The following FLT1 variants were observed in gnomAD, a reference collection of about 807,000 sequenced individuals.
The protein encoded by FLT1 is vascular endothelial growth factor receptor 1.
Under a neutral mutation model 156.3 loss-of-function variants are expected in FLT1, and 49 were observed. That is an observed-to-expected ratio of 0.31 (90% CI 0.25 to 0.40). FLT1 has a LOEUF of 0.40. FLT1 is among the 10% of genes least tolerant of loss of function. The pLI is 1.00. For synonymous variants in FLT1, 594 were observed against 583.8 expected (o/e 1.02, Z -0.25); for missense variants, 1,322 against 1,637.2 (o/e 0.81, Z 3.32).
At chr13:28,356,146 A>G (rs1872890468) in intron 15 of FLT1, among the ~76,000 whole-genome samples, 1 of 152,138 alleles carries the variant, frequency 6.6e-6, no homozygotes, top group African/African-American at 2.4e-5. Context: ...TGCCATGACT[A>G]GACTGTGTGA....
Position 28,384,674 on chromosome 13 carries a change from T to A in FLT1, c.2116+211A>T, listed in dbSNP as rs141180714. On this transcript the variant is annotated intron_variant, in intron 14 of 29. Transcript: ENST00000282397. The stretch of plus-strand genomic sequence containing the variant: ...TTCCAGCTGAATAGATTCTGCAGGA[T>A]CTTTCTATGGGTTAGGAATATGGTC... 3.9e-5 allele frequency among the ~76,000 whole-genome samples: 6 copies of A among 152,246 alleles called. No individual in the cohort carries two copies. In the East Asian group the frequency reaches 9.7e-4, roughly 25 times the overall value.
At chr13:28,350,933 T>C (rs547240328) in intron 15 of FLT1, among the ~76,000 whole-genome samples, 1 of 151,646 alleles carries the variant, frequency 6.6e-6, no homozygotes, top group East Asian at 1.9e-4. Context: ...CCTTCCTTCT[T>C]TCCTTTCTCT....
Position 28,303,010 on chromosome 13 carries a change from A to T in FLT1, c.*157T>A, listed in dbSNP as rs751300391. The T allele has an allele frequency of 6.1e-4, 79 of 129,432 alleles. No individual in the cohort carries two copies. The highest frequency in any genetic ancestry group is 9.2e-4 in the Non-Finnish European group (68 of 74,114). The allele number at this position is 129,432 out of a possible 1,614,324, so 8.0% of individuals were successfully genotyped here. A position where few individuals can be genotyped will look rare whatever the true frequency, so the allele number is the denominator to read the frequency against. Reference sequence around the variant, plus strand: ...ATCTGGAGTTACATTCTTGTTAGTCAAAAAAAAAAAAGCACTATTAAAAAA... The same window carrying T: ...ATCTGGAGTTACATTCTTGTTAGTCTAAAAAAAAAAAGCACTATTAAAAAA... On this transcript the variant is annotated 3_prime_UTR_variant, in exon 30 of 30. Transcript: ENST00000282397.
intron 20 of FLT1, among the ~76,000 whole-genome samples, chr13:28,325,569 C>T (rs1871644969): frequency 6.6e-6 from 1 of 152,118 alleles, no homozygotes; most frequent in Non-Finnish European, 1.5e-5. Context: ...AATCCCAGCA[C>T]TTTGTGAGGC....
chr13:28,423,166 C>G (rs917563418), intron 10 of FLT1, among the ~76,000 whole-genome samples: 1 of 152,114 alleles, frequency 6.6e-6, no homozygotes, highest in Non-Finnish European at 1.5e-5. Flanking sequence ...CATCAGCTCC[C>G]CCACATGCCC....
intron 14 of FLT1, among the ~76,000 whole-genome samples, chr13:28,381,537 C>A (rs1451274040): frequency 1.3e-5 from 2 of 152,034 alleles, no homozygotes; most frequent in Non-Finnish European, 1.5e-5. Context: ...CCAGCCTGGG[C>A]GACAGAGCAA....
intron 10 of FLT1, among the ~76,000 whole-genome samples, chr13:28,419,214 A>T (rs942174514): frequency 1.3e-5 from 2 of 152,222 alleles, no homozygotes; most frequent in Non-Finnish European, 2.9e-5. Flanking sequence ...TTTCCATCTT[A>T]TCAATCCAAC....
At chr13:28,327,311 G>T (rs1045179434) in intron 20 of FLT1, 151 bp downstream of exon 20, 1 of 647,460 alleles carries the variant, frequency 1.5e-6, no homozygotes, top group African/African-American at 1.8e-5. Context: ...ATTATCAGGG[G>T]AAAAAACATG....
intron 17 of FLT1, among the ~76,000 whole-genome samples, chr13:28,335,961 T>C (rs1276009718): frequency 6.6e-6 from 1 of 152,224 alleles, no homozygotes; most frequent in African/African-American, 2.4e-5. Context: ...GCATTTTGGT[T>C]GGAGGTTTAT....
chr13:28,367,304 G>A (rs561672877), intron 14 of FLT1, among the ~76,000 whole-genome samples: 1 of 152,344 alleles, frequency 6.6e-6, no homozygotes, highest in East Asian at 1.9e-4. Context: ...ACACTGGGCT[G>A]TTTTTGTAGA....
intron 28 of FLT1, among the ~76,000 whole-genome samples, chr13:28,307,043 C>T (rs1870780353): frequency 6.6e-6 from 1 of 152,200 alleles, no homozygotes; most frequent in African/African-American, 2.4e-5. Context: ...AACAGGTTAG[C>T]ATTTTCCATA....
At chr13:28,396,358 G>C (rs775741350) in intron 12 of FLT1, among the ~76,000 whole-genome samples, 3 of 152,148 alleles carry the variant, frequency 2.0e-5, no homozygotes, top group Admixed American at 6.5e-5. Context: ...CTTCCTTCCT[G>C]TACCCATTGA....
chr13:28,418,118 T>C (rs1876764475), intron 10 of FLT1, among the ~76,000 whole-genome samples: 1 of 152,010 alleles, frequency 6.6e-6, no homozygotes. Flanking sequence ...AAAAGGACAA[T>C]ACGAATAGGG....
chr13:28,467,212 G>C (rs1419855373), intron 2 of FLT1, 83 bp from the exon 3 acceptor site: 2 of 1,016,976 alleles, frequency 2.0e-6, no homozygotes, highest in African/African-American at 3.1e-5. Context: ...CATTTTATTA[G>C]GAAGCGGAGG....
chr13:28,309,945 A>G lies in FLT1; in HGVS notation c.3636-1018T>C, dbSNP rs181158484. ...TGCTCTGTCACCCAGGCTGGAGTGC[A>G]GTGGCACGATCTCGGCTCACTGAAA... On this transcript the variant is annotated intron_variant, in intron 27 of 29. Transcript: ENST00000282397. 7.6e-3 allele frequency among the ~76,000 whole-genome samples: 971 copies of G among 127,392 alleles called. 6 individuals carry two copies. The highest frequency in any genetic ancestry group is 0.011 in the Admixed American group (105 of 9,602). The allele number at this position is 127,392 out of a possible 152,430, so 83.6% of individuals were successfully genotyped here.
In FLT1 at chr13:28,319,627, C is replaced by T. The variant is rs567786392; in HGVS notation, c.3175-93G>A. 185 of 741,060 alleles carry T rather than the reference C, an allele frequency of 2.5e-4. 3 individuals carry two copies. Among genetic ancestry groups the T allele is most frequent in the South Asian group, 5.6e-4 (38 of 68,050 alleles). 45.9% of individuals were successfully genotyped at this position (741,060 alleles called of 1,614,324 possible). On this transcript the variant is annotated intron_variant, in intron 23 of 29. Coordinates refer to ENST00000282397, the MANE Select transcript of FLT1 (RefSeq NM_002019.4). ...ATGGGGTCACCTCCCAGATAACATACGGCCTATAAATCATTTCCGAGAGCA... is the reference window on the plus strand; with the variant it reads ...ATGGGGTCACCTCCCAGATAACATATGGCCTATAAATCATTTCCGAGAGCA...
rs778425164 is a variant in FLT1 at position 28,389,885 on chromosome 13, G to C, written c.1880C>G (p.Ser627Cys). 3 of 1,614,132 alleles carry C rather than the reference G, an allele frequency of 1.9e-6. No homozygotes were observed. Among genetic ancestry groups the C allele is most frequent in the Non-Finnish European group, 2.5e-6 (3 of 1,180,014 alleles). Residue 627 changes from serine (S) to cysteine (C), a missense_variant, in exon 13 of 30, where the codon TCC (serine) becomes TGC (cysteine). By Grantham distance (112) the Ser-to-Cys change is moderately radical. Transcript: ENST00000282397. ...GGCATAGGTGCCTGAATCTTGCAGG[G>C]AAACATTCATGATGGTAAGATTAAG... ...ITLNLTIMNV[S>C]LQDSGTYACR...
Position 28,492,205 on chromosome 13 carries a change from T to C in FLT1, c.64+2575A>G, listed in dbSNP as rs546925751. 6.7e-4 allele frequency among the ~76,000 whole-genome samples: 102 copies of C among 152,382 alleles called. 1 individual carries two copies. The highest frequency in any genetic ancestry group is 8.3e-4 in the South Asian group (4 of 4,828). The stretch of plus-strand genomic sequence containing the variant: ...TATTTTCATGTGCACTTTGATTTAA[T>C]ATTATTAATATGGACTTCCTTCACA... On this transcript the variant is annotated intron_variant, in intron 1 of 29. Coordinates refer to ENST00000282397, the MANE Select transcript of FLT1 (RefSeq NM_002019.4).
At chr13:28,318,044 G>C (rs1050407460) in intron 24 of FLT1, among the ~76,000 whole-genome samples, 7 of 151,754 alleles carry the variant, frequency 4.6e-5, no homozygotes, top group Non-Finnish European at 1.5e-5. Flanking sequence ...CTGCAGCCTC[G>C]AACTCCTGGG....
Sources: gnomAD v4.1 joint callset for allele counts (sites outside exome capture counted in the v4.1 genomes callset) on GRCh38, gnomAD v4.1.1 for gene constraint, MANE v1.5 for transcripts, NCBI Gene and HGNC (gene_info 2026-07-23, HGNC 2026-07-21) for gene names.